The following PWWP3A variants were observed in gnomAD, a reference collection of about 807,000 sequenced individuals.
PWWP3A encodes the protein PWWP domain-containing DNA repair factor 3A.
In PWWP3A, 53 loss-of-function variants were observed where a neutral mutation model predicts 79.0. That is an observed-to-expected ratio of 0.67 (90% CI 0.54 to 0.84). The LOEUF (loss-of-function observed/expected upper bound fraction) is 0.84, where lower values mean the gene tolerates loss of function less well. Among genes scored for constraint, PWWP3A ranks in the 40% least tolerant of loss-of-function variants. PWWP3A has a pLI of 0.00. For missense variants in PWWP3A, 973 were observed against 948.0 expected, an observed-to-expected ratio of 1.03 and a Z score of -0.35; for synonymous variants, 443 against 394.4, an observed-to-expected ratio of 1.12 and a Z score of -1.46.
At chr19:1,375,739 T>C (rs143019409) in intron 13 of PWWP3A, among the ~76,000 whole-genome samples, 6,020 of 142,078 alleles carry the variant, frequency 0.042, 184 homozygotes, top group Non-Finnish European at 0.069. Flanking sequence ...CTTTATATTA[T>C]ATATAAAATA....
Position 1,370,907 on chromosome 19 carries a change from C to A in PWWP3A, c.1815C>A (p.Phe605Leu), listed in dbSNP as rs756804605. The part of the protein sequence containing the change: ...SRKPSRWLQT[F>L]LSSSQYVTCV... ...AGCCATCTCGCTGGCTGCAGACCTTCCTGAGCTCCAGCCAGTACGTGACCT... is the reference window on the plus strand; with the variant it reads ...AGCCATCTCGCTGGCTGCAGACCTTACTGAGCTCCAGCCAGTACGTGACCT... The change falls in exon 12 of 14, where the codon TTC becomes TTA. Residue 605 changes from phenylalanine (F) to leucine (L), a missense_variant. Transcript: ENST00000591337. The A allele has an allele frequency of 6.4e-7, 1 of 1,555,630 alleles. No homozygotes were observed. The highest frequency in any genetic ancestry group is 2.4e-5 in the East Asian group (1 of 41,390).
At chr19:1,364,398 T>C in intron 6 of PWWP3A, 111 bp from the exon 7 acceptor site, 1 of 786,432 alleles carries the variant, frequency 1.3e-6, no homozygotes, top group South Asian at 1.7e-5. Flanking sequence ...AAAGTCAGGT[T>C]TTAACAATAT....
chr19:1,358,432 A>G lies in PWWP3A; in HGVS notation c.182A>G (p.Lys61Arg). The G allele has an allele frequency of 6.2e-7, 1 of 1,614,192 alleles. No individual in the cohort carries two copies. The highest frequency in any genetic ancestry group is 8.5e-7 in the Non-Finnish European group (1 of 1,180,028). The part of the protein sequence containing the change: ...VKSTEVEILE[K>R]SQIEAIASSL... ...AGCACTGAAGTTGAGATCCTAGAGA[A>G]GTCTCAAATTGAAGCCATTGCTTCC... Residue 61 changes from lysine to arginine, a missense_variant, in exon 4 of 14, where the codon AAG becomes AGG. Transcript: ENST00000591337.
chr19:1,366,680 C>G (rs1201810253), intron 8 of PWWP3A, among the ~76,000 whole-genome samples: 1 of 152,248 alleles, frequency 6.6e-6, no homozygotes, highest in Non-Finnish European at 1.5e-5. Flanking sequence ...GGCCCTGTTT[C>G]CCACAAACCA....
rs375887566 is a variant in PWWP3A, at chr19:1,373,214, C to G, written c.2075+54C>G. The G allele has an allele frequency of 1.4e-3, 2,139 of 1,506,812 alleles. 2 individuals are homozygous for G. Among genetic ancestry groups the G allele is most frequent in the Non-Finnish European group, 1.8e-3 (1,984 of 1,091,046 alleles). The allele number at this position is 1,506,812 out of a possible 1,614,324, so 93.3% of individuals were successfully genotyped here. A position where few individuals can be genotyped will look rare whatever the true frequency, so the allele number is the denominator to read the frequency against. On this transcript the variant is annotated intron_variant, in intron 13 of 13. Transcript: ENST00000591337. Reference sequence around the variant, plus strand: ...CACTTGCGTCTCTGCCTTGCAGTTTCTATTTCCACACCCACAGGCAGTTTG... The same window carrying G: ...CACTTGCGTCTCTGCCTTGCAGTTTGTATTTCCACACCCACAGGCAGTTTG...
rs776058197 is a variant in PWWP3A, at chr19:1,360,077, G to A, written c.215-59G>A. On this transcript the variant is annotated intron_variant, in intron 4 of 13. Transcript: ENST00000591337. The surrounding 1 kb of genome is among the most constrained non-coding windows in gnomAD (Gnocchi z 4.4). ...ACAAGCGAGCTTCTAAAGCGATGCC[G>A]TGACCGCAGTGCCTGTGCAGTGAAC... The A allele has an allele frequency of 1.8e-5, 26 of 1,478,530 alleles. 1 individual carries two copies. Among genetic ancestry groups the A allele is most frequent in the African/African-American group, 9.8e-5 (7 of 71,066 alleles). The allele number at this position is 1,478,530 out of a possible 1,614,324, so 91.6% of individuals were successfully genotyped here.
At position 1,375,537 on chromosome 19, in the gene PWWP3A, T is replaced by TATATATAAAATATATA. The variant is rs1162661703; in HGVS notation, c.2076-982_2076-981insATATATAAAATATATA. On this transcript the variant is annotated intron_variant, in intron 13 of 13. Transcript: ENST00000591337. ...ATATAAAATCATATAATTTATATAT[T>TATATATAAAATATATA]TTATATATAAAATATATATTATATA... Among the ~76,000 whole-genome samples, 42 of 96,172 alleles carry TATATATAAAATATATA rather than the reference T, an allele frequency of 4.4e-4. 1 individual carries two copies. Among genetic ancestry groups the TATATATAAAATATATA allele is most frequent in the African/African-American group, 1.9e-3 (40 of 20,634 alleles). 63.1% of individuals were successfully genotyped at this position (96,172 alleles called of 152,430 possible). A position where few individuals can be genotyped will look rare whatever the true frequency, so the allele number is the denominator to read the frequency against.
chr19:1,360,097 G>A lies in PWWP3A; in HGVS notation c.215-39G>A. The A allele has an allele frequency of 6.6e-7, 1 of 1,511,842 alleles. No homozygotes were observed. Among genetic ancestry groups the A allele is most frequent in the Non-Finnish European group, 8.8e-7 (1 of 1,133,442 alleles). The allele number at this position is 1,511,842 out of a possible 1,614,324, so 93.7% of individuals were successfully genotyped here. ...ATGCCGTGACCGCAGTGCCTGTGCAGTGAACGTAACCGGCATTGTGTATGT... is the reference window on the plus strand; with the variant it reads ...ATGCCGTGACCGCAGTGCCTGTGCAATGAACGTAACCGGCATTGTGTATGT... On this transcript the variant is annotated intron_variant, in intron 4 of 13. Transcript: ENST00000591337. The surrounding 1 kb of genome is among the most constrained non-coding windows in gnomAD (Gnocchi z 4.4).
At chr19:1,362,640 C>T (rs1422554266) in intron 6 of PWWP3A, among the ~76,000 whole-genome samples, 5 of 152,246 alleles carry the variant, frequency 3.3e-5, no homozygotes, top group Non-Finnish European at 5.9e-5. Context: ...CCTCCTGTCC[C>T]CTCGCGGGGA....
intron 9 of PWWP3A, among the ~76,000 whole-genome samples, 162 bp downstream of exon 9, chr19:1,367,382 C>T (rs915496479): frequency 2.0e-5 from 3 of 152,362 alleles, no homozygotes; most frequent in South Asian, 2.1e-4. Context: ...AGAGTTAGAT[C>T]GTGGGCTCAG....
intron 13 of PWWP3A, 31 bp downstream of exon 13, chr19:1,373,191 C>T (rs750228978): frequency 4.4e-6 from 7 of 1,589,164 alleles, no homozygotes; most frequent in East Asian, 4.5e-5. Flanking sequence ...TCTCCAGCCA[C>T]TTGCGTCTCT....
Position 1,368,488 on chromosome 19 carries a change from C to A in PWWP3A, c.1423-777C>A, listed in dbSNP as rs903034311. ...GGGGAAGCCGTGCTTTAGGAAAGTG[C>A]GGGGGCTGCTGGGCAGGCAGAGAGC... is the stretch of plus-strand genomic sequence containing the variant. On this transcript the variant is annotated intron_variant, in intron 9 of 13. Coordinates refer to ENST00000591337, the MANE Select transcript of PWWP3A (RefSeq NM_001369789.1). This position sits in a 1 kb window ranked among gnomAD's most constrained non-coding sequence, Gnocchi z 4.7. Among the ~76,000 whole-genome samples the A allele has an allele frequency of 6.6e-6, 1 of 152,124 alleles. No homozygotes were observed. The highest frequency in any genetic ancestry group is 6.5e-5 in the Admixed American group (1 of 15,272).
intron 11 of PWWP3A, among the ~76,000 whole-genome samples, chr19:1,370,195 C>T (rs181430125): frequency 1.6e-4 from 25 of 152,250 alleles, no homozygotes; most frequent in Non-Finnish European, 2.5e-4. Flanking sequence ...GTGATTGCAC[C>T]GCTGCACTCC....
chr19:1,376,311 G>GTTTTTTTTTTT (rs371207367), intron 13 of PWWP3A, among the ~76,000 whole-genome samples: 1 of 69,884 alleles, frequency 1.4e-5, no homozygotes, highest in Non-Finnish European at 2.5e-5. Context: ...TTTTTTGTTT[G>GTTTTTTTTTTT]TTTTTTTTTT....
intron 5 of PWWP3A, 182 bp from the exon 6 acceptor site, chr19:1,362,068 G>A (rs1273038712): frequency 3.1e-5 from 13 of 422,228 alleles, no homozygotes; most frequent in East Asian, 1.2e-4. Flanking sequence ...TCCCTCTTGC[G>A]TTTTTCTTTA....
chr19:1,358,950 C>T (rs967338082), intron 4 of PWWP3A: 3 of 343,118 alleles, frequency 8.7e-6, no homozygotes, highest in African/African-American at 6.4e-5. Context: ...GTTGGTGGCA[C>T]CCATTGTTTG....
At chr19:1,375,806 AT>A (rs1290978759) in intron 13 of PWWP3A, among the ~76,000 whole-genome samples, 11 of 63,250 alleles carry the variant, frequency 1.7e-4, no homozygotes, top group South Asian at 1.6e-3. Context: ...ATATGTATTT[AT>A]TTATTTTTTT....
rs1317216605 is a variant in PWWP3A at position 1,368,208 on chromosome 19, C to A, written c.1422+988C>A. On this transcript the variant is annotated intron_variant, in intron 9 of 13. Transcript: ENST00000591337. This position sits in a 1 kb window ranked among gnomAD's most constrained non-coding sequence, Gnocchi z 4.7. ...AAAGTGCTGGGATTACAGGTGTGAG[C>A]CACTGCGCCCGGCTGGAACTGAGTT... Among the ~76,000 whole-genome samples, 1 of 152,180 alleles carries A rather than the reference C, an allele frequency of 6.6e-6. No individual in the cohort carries two copies. Among genetic ancestry groups the A allele is most frequent in the Admixed American group, 6.5e-5 (1 of 15,276 alleles).
chr19:1,375,827 A>C lies in PWWP3A; in HGVS notation c.2076-692A>C, dbSNP rs560511653. On this transcript the variant is annotated intron_variant, in intron 13 of 13. Transcript: ENST00000591337. ...ATTTATTTATTTTTTTTTTTTTGAG[A>C]CAGAGTCTTGCTCTGTCACCCAGGC... 8.5e-3 allele frequency among the ~76,000 whole-genome samples: 1,200 copies of C among 141,010 alleles called. 26 individuals are homozygous for C. Among genetic ancestry groups the C allele is most frequent in the African/African-American group, 0.03 (1,133 of 37,734 alleles). 92.5% of individuals were successfully genotyped at this position (141,010 alleles called of 152,430 possible). A position where few individuals can be genotyped will look rare whatever the true frequency, so the allele number is the denominator to read the frequency against.
Sources: gnomAD v4.1 joint callset for allele counts (sites outside exome capture counted in the v4.1 genomes callset) on GRCh38, gnomAD v4.1.1 for gene constraint, Gnocchi (gnomAD v3.1) non-coding constraint, MANE v1.5 for transcripts, NCBI Gene and HGNC (gene_info 2026-07-23, HGNC 2026-07-21) for gene names.